The following GON4L variants were observed in gnomAD, a reference collection of about 807,000 sequenced individuals.
GON4L encodes GON-4-like protein.
In GON4L, 87 loss-of-function variants were observed where a neutral mutation model predicts 211.8. The ratio of observed to expected loss-of-function variants is 0.41; its 90% confidence interval spans 0.35 to 0.49. The LOEUF (loss-of-function observed/expected upper bound fraction) is 0.49, where lower values mean the gene tolerates loss of function less well. Ranked by LOEUF, GON4L falls within the 20% of genes least tolerant of loss-of-function variation. The pLI is 0.15. For missense variants in GON4L, 2,155 were observed against 2,659.5 expected (o/e 0.81, Z 4.17); for synonymous variants, 875 against 962.6 (o/e 0.91, Z 1.68).
intron 15 of GON4L, 52 bp downstream of exon 15, chr1:155,777,570 C>T (rs1663951334): frequency 2.2e-6 from 3 of 1,367,110 alleles, no homozygotes; most frequent in Non-Finnish European, 3.1e-6. Flanking sequence ...CAGAGCCAGA[C>T]TCTGTCTCAA....
At chr1:155,815,145 T>C (rs1668125563) in intron 8 of GON4L, among the ~76,000 whole-genome samples, 1 of 151,902 alleles carries the variant, frequency 6.6e-6, no homozygotes, top group Non-Finnish European at 1.5e-5. Flanking sequence ...CAGATCACTA[T>C]CCTAATCTGC....
chr1:155,847,910 A>G (rs2102464407), intron 2 of GON4L, among the ~76,000 whole-genome samples: 1 of 151,168 alleles, frequency 6.6e-6, no homozygotes, highest in Admixed American at 6.6e-5. Context: ...ATACATACAT[A>G]CATACAAAGA....
downstream of GON4L, chr1:155,748,508 A>G (rs1660343313): frequency 6.2e-7 from 1 of 1,613,808 alleles, no homozygotes. Flanking sequence ...TCTGGCTGAC[A>G]TGCTGAGCTT....
At chr1:155,792,286 A>G (rs1046870952) in intron 12 of GON4L, among the ~76,000 whole-genome samples, 3 of 152,176 alleles carry the variant, frequency 2.0e-5, no homozygotes, top group African/African-American at 7.2e-5. Context: ...GTCCTTTTAA[A>G]GAGATTATAA....
intron 2 of GON4L, among the ~76,000 whole-genome samples, chr1:155,843,884 G>T (rs1670998770): frequency 6.6e-6 from 1 of 152,112 alleles, no homozygotes; most frequent in Non-Finnish European, 1.5e-5. Flanking sequence ...TGACCCATCT[G>T]GGCTCACCTT....
intron 12 of GON4L, among the ~76,000 whole-genome samples, chr1:155,786,944 C>T (rs796356956): frequency 1.2e-4 from 18 of 149,410 alleles, no homozygotes; most frequent in African/African-American, 4.2e-4. Context: ...TTTTTTGAGA[C>T]GGAGTCTTGC....
Position 155,777,562 on chromosome 1 carries a change from G to C in GON4L, c.2091+60C>G. 3 of 1,284,414 alleles carry C rather than the reference G, an allele frequency of 2.3e-6. No individual in the cohort carries two copies. The South Asian group carries it at 3.6e-5, about 15-fold the overall frequency. 79.6% of individuals were successfully genotyped at this position (1,284,414 alleles called of 1,614,324 possible). The stretch of plus-strand genomic sequence containing the variant: ...CCACTGCACTCCAGGCTGGGAGACA[G>C]AGCCAGACTCTGTCTCAAAAAAAAA... On this transcript the variant is annotated intron_variant, in intron 15 of 31. Transcript: ENST00000368331.
At chr1:155,816,500 T>C (rs537668927) in intron 6 of GON4L, among the ~76,000 whole-genome samples, 13 of 152,328 alleles carry the variant, frequency 8.5e-5, no homozygotes, top group African/African-American at 3.1e-4. Context: ...TAAGCCTCAC[T>C]TCTTTCTATA....
intron 10 of GON4L, among the ~76,000 whole-genome samples, chr1:155,806,590 C>T (rs771064363): frequency 1.3e-4 from 20 of 152,066 alleles, no homozygotes; most frequent in Non-Finnish European, 2.5e-4. Context: ...GTGGTATGTG[C>T]CTGTGGTACC....
intron 6 of GON4L, among the ~76,000 whole-genome samples, chr1:155,816,773 T>TTTAA (rs377228820): frequency 3.1e-4 from 24 of 78,092 alleles, no homozygotes; most frequent in African/African-American, 5.3e-4. Context: ...TTTTTTTTCT[T>TTTAA]AAAAAAAAAA....
At chr1:155,751,691 C>T (rs1282227261) in intron 31 of GON4L, 76 bp downstream of exon 31, 9 of 979,310 alleles carry the variant, frequency 9.2e-6, no homozygotes, top group Non-Finnish European at 1.3e-5. Flanking sequence ...ATCAAAACTC[C>T]TTCTTTGGCC....
At chr1:155,835,024 G>A (rs887366084) in intron 2 of GON4L, among the ~76,000 whole-genome samples, 2 of 152,150 alleles carry the variant, frequency 1.3e-5, no homozygotes, top group Admixed American at 6.5e-5. Context: ...TGGCGGTTTT[G>A]TGTAATACAA....
Position 155,752,007 on chromosome 1 carries a change from G to T in GON4L, c.6426C>A (p.Asn2142Lys). 1 of 1,613,290 alleles carries T rather than the reference G, an allele frequency of 6.2e-7. No individual in the cohort carries two copies. The highest frequency in any genetic ancestry group is 8.5e-7 in the Non-Finnish European group (1 of 1,179,360). The change falls in exon 30 of 32, where the codon AAC becomes AAA. Residue 2142 changes from asparagine to lysine, a missense_variant. This residue lies in a region of GON4L where 186 missense variants were observed against 308.1 expected (regional missense o/e 0.60). Coordinates refer to ENST00000368331, the MANE Select transcript of GON4L (RefSeq NM_001282860.2). ...CCCCAGTGGAGCTGACCTTGCTGTT[G>T]TTGGCACACACCGTAGCTTCTGCGG... is the stretch of plus-strand genomic sequence containing the variant. ...PKAAEATVCA[N>K]NSKVSSTGEK...
rs1663626573 is a variant in GON4L, at chr1:155,774,958, C to T, written c.2350+44G>A. The T allele has an allele frequency of 6.9e-6, 11 of 1,603,456 alleles. No individual in the cohort carries two copies. In the East Asian group the frequency reaches 1.1e-4, roughly 16 times the overall value. The stretch of plus-strand genomic sequence containing the variant: ...CTATGGGATAAGATTCCCACCACCT[C>T]TCACCGCAAGTAAAAACTTAAAGCT... On this transcript the variant is annotated intron_variant, in intron 17 of 31. Transcript: ENST00000368331.
In GON4L at chr1:155,766,262, C is replaced by T; in HGVS notation, c.3211G>A (p.Ala1071Thr). 1 of 1,614,130 alleles carries T rather than the reference C, an allele frequency of 6.2e-7. No individual in the cohort carries two copies. Among genetic ancestry groups the T allele is most frequent in the Non-Finnish European group, 8.5e-7 (1 of 1,180,032 alleles). Reference sequence around the variant, plus strand: ...GCCTCAGGGGGCACAGCAGGCAGTGCTGCAGGAGACTCAAAACTCTCACCT... The same window carrying T: ...GCCTCAGGGGGCACAGCAGGCAGTGTTGCAGGAGACTCAAAACTCTCACCT... ...SGGESFESPA[A>T]LPAVPPEART... The change falls in exon 21 of 32, where the codon GCA becomes ACA. Residue 1071 changes from alanine to threonine, a missense_variant. Ala to Thr is a moderately conservative substitution (Grantham distance 58). Coordinates refer to ENST00000368331, the MANE Select transcript of GON4L (RefSeq NM_001282860.2).
At chr1:155,842,108 C>T (rs1470505352) in intron 2 of GON4L, among the ~76,000 whole-genome samples, 1 of 152,150 alleles carries the variant, frequency 6.6e-6, no homozygotes, top group East Asian at 1.9e-4. Context: ...ATACCTTCCC[C>T]CCGCTCCCCT....
In GON4L at chr1:155,829,901, T is replaced by C. The variant is rs1669585522; in HGVS notation, c.506-2873A>G. 2.6e-5 allele frequency among the ~76,000 whole-genome samples: 4 copies of C among 151,518 alleles called. No homozygotes were observed. The South Asian group carries it at 8.3e-4, about 31-fold the overall frequency. On this transcript the variant is annotated intron_variant, in intron 2 of 31. Coordinates refer to ENST00000368331, the MANE Select transcript of GON4L (RefSeq NM_001282860.2). ...AAAAAGGAACATTTCCTCTAGAGTA[T>C]GAAAAATGATTTTGTGGTGCAGCTG...
chr1:155,752,299 A>G lies in GON4L; in HGVS notation c.6134T>C (p.Val2045Ala). ...ASETEKLPGT[V>A]EPPASFLSPV... ...ACTCAGGAAGGAAGCAGGGGGTTCC[A>G]CGGTACCAGGCAATTTCTCAGTTTC... Residue 2045 changes from valine to alanine, a missense_variant, in exon 30 of 32, where the codon GTG (valine) becomes GCG (alanine). Coordinates refer to ENST00000368331, the MANE Select transcript of GON4L (RefSeq NM_001282860.2). 3 of 1,585,990 alleles carry G rather than the reference A, an allele frequency of 1.9e-6. No homozygotes were observed. Among genetic ancestry groups the G allele is most frequent in the Non-Finnish European group, 2.6e-6 (3 of 1,155,048 alleles).
At chr1:155,787,844 T>C (rs1665115895) in intron 12 of GON4L, among the ~76,000 whole-genome samples, 1 of 152,084 alleles carries the variant, frequency 6.6e-6, no homozygotes, top group South Asian at 2.1e-4. Flanking sequence ...CTTGGGAGGC[T>C]GAGGCACAAG....
Sources: gnomAD v4.1 joint callset for allele counts (sites outside exome capture counted in the v4.1 genomes callset) on GRCh38, gnomAD v4.1.1 for gene constraint, gnomAD v4.1.1 regional missense constraint, MANE v1.5 for transcripts, NCBI Gene and HGNC (gene_info 2026-07-23, HGNC 2026-07-21) for gene names.